The following LRRC4C variants were observed in gnomAD, a reference collection of about 807,000 sequenced individuals.
LRRC4C encodes the protein leucine rich repeat containing 4C.
Under a neutral mutation model 33.6 loss-of-function variants are expected in LRRC4C, and 5 were observed. The ratio of observed to expected loss-of-function variants is 0.15; its 90% CI spans 0.08 to 0.31. LRRC4C has a LOEUF of 0.31. Ranked by LOEUF, LRRC4C falls within the 10% of genes least tolerant of loss-of-function variation. The pLI, the probability that LRRC4C is intolerant of heterozygous loss-of-function variation, is 1.00. For missense variants in LRRC4C, 560 were observed against 796.7 expected, an observed-to-expected ratio of 0.70 and a Z score of 3.58; for synonymous variants, 329 against 302.0, an observed-to-expected ratio of 1.09 and a Z score of -0.93.
At chr11:40,792,882 C>G (rs1347383572) in intron 2 of LRRC4C, among the ~76,000 whole-genome samples, 1 of 151,862 alleles carries the variant, frequency 6.6e-6, no homozygotes, top group African/African-American at 2.4e-5. Flanking sequence ...CAAACTATCA[C>G]AAGGACAAAA....
intron 2 of LRRC4C, among the ~76,000 whole-genome samples, chr11:40,735,986 G>T (rs914654013): frequency 6.8e-6 from 1 of 147,756 alleles, no homozygotes; most frequent in African/African-American, 2.6e-5. Flanking sequence ...CATGTCCTTC[G>T]CCCACTTATT....
chr11:40,210,376 A>C (rs919082720), intron 5 of LRRC4C, among the ~76,000 whole-genome samples: 1 of 152,234 alleles, frequency 6.6e-6, no homozygotes, highest in Admixed American at 6.5e-5. Context: ...AGCACAGAGA[A>C]TATTTCTTAT....
intron 1 of LRRC4C, among the ~76,000 whole-genome samples, chr11:41,440,205 C>T (rs1352782040): frequency 6.6e-6 from 1 of 151,896 alleles, no homozygotes; most frequent in Non-Finnish European, 1.5e-5. Flanking sequence ...TGGTGAGAGA[C>T]ATGGGTCCAG....
At chr11:40,836,450 A>G (rs955868990) in intron 2 of LRRC4C, among the ~76,000 whole-genome samples, 1 of 152,208 alleles carries the variant, frequency 6.6e-6, no homozygotes, top group Admixed American at 6.5e-5. Context: ...ACATATAGAA[A>G]GAAAGTTATA....
chr11:41,225,843 G>A (rs1256221468), intron 1 of LRRC4C, among the ~76,000 whole-genome samples: 1 of 152,002 alleles, frequency 6.6e-6, no homozygotes, highest in African/African-American at 2.4e-5. Context: ...TGAGAGCCTG[G>A]GTACTGCAGA....
intron 1 of LRRC4C, among the ~76,000 whole-genome samples, chr11:41,269,136 T>C (rs1306268656): frequency 2.6e-5 from 4 of 152,234 alleles, no homozygotes; most frequent in Non-Finnish European, 4.4e-5. Context: ...ATCTAAGTGA[T>C]TCATCCAGAA....
At position 40,745,658 on chromosome 11, in the gene LRRC4C, A is replaced by G. The variant is rs532460651; in HGVS notation, c.-406-97380T>C. 2.0e-5 allele frequency among the ~76,000 whole-genome samples: 3 copies of G among 152,254 alleles called. No individual in the cohort carries two copies. In the East Asian group the frequency reaches 5.8e-4, roughly 29 times the overall value. On this transcript the variant is annotated intron_variant, in intron 2 of 6. Transcript: ENST00000528697. The stretch of plus-strand genomic sequence containing the variant: ...AAATTTTTTTCCACAATATTTTACT[A>G]GGAAGATAATGTATATTTACATGAG...
intron 1 of LRRC4C, among the ~76,000 whole-genome samples, chr11:41,458,091 T>C (rs1956226285): frequency 6.6e-6 from 1 of 152,158 alleles, no homozygotes; most frequent in East Asian, 1.9e-4. Context: ...CCAGGCAACG[T>C]AGCCTCTGAA....
intron 2 of LRRC4C, among the ~76,000 whole-genome samples, chr11:40,853,423 T>G (rs1953610897): frequency 6.7e-6 from 1 of 148,304 alleles, no homozygotes; most frequent in South Asian, 2.1e-4. Context: ...TATTTATATA[T>G]TTATATAGAT....
intron 1 of LRRC4C, among the ~76,000 whole-genome samples, chr11:41,446,838 G>C (rs1039824639): frequency 6.6e-6 from 1 of 152,104 alleles, no homozygotes; most frequent in Admixed American, 6.5e-5. Context: ...TCCTTACCAA[G>C]GAGACTGTGG....
intron 1 of LRRC4C, among the ~76,000 whole-genome samples, chr11:40,991,079 CA>C (rs199778124): frequency 0.41 from 50,739 of 124,754 alleles, 9,516 homozygotes; most frequent in East Asian, 0.54. Context: ...GAGTCTATTA[CA>C]AAAAAAAAAA....
chr11:41,236,899 G>A (rs922104727), intron 1 of LRRC4C, among the ~76,000 whole-genome samples: 1 of 152,174 alleles, frequency 6.6e-6, no homozygotes, highest in African/African-American at 2.4e-5. Context: ...AAAGCTAAAT[G>A]TCCACAAATG....
chr11:40,191,268 T>C (rs1000849747), intron 5 of LRRC4C, among the ~76,000 whole-genome samples: 5 of 152,188 alleles, frequency 3.3e-5, no homozygotes, highest in Non-Finnish European at 7.3e-5. Context: ...CAGGTTTGAA[T>C]GACTTCACCA....
intron 1 of LRRC4C, among the ~76,000 whole-genome samples, chr11:40,948,227 C>A (rs1296360060): frequency 1.3e-5 from 2 of 152,128 alleles, no homozygotes; most frequent in African/African-American, 4.8e-5. Flanking sequence ...TATTTTTGGA[C>A]AAACTAGCTG....
intron 4 of LRRC4C, among the ~76,000 whole-genome samples, chr11:40,260,504 T>C (rs1217353993): frequency 6.6e-6 from 1 of 150,532 alleles, no homozygotes; most frequent in African/African-American, 2.5e-5. Flanking sequence ...TGTATACATA[T>C]GTAACTAACC....
chr11:41,377,368 T>C (rs924917012), intron 1 of LRRC4C, among the ~76,000 whole-genome samples: 1 of 152,204 alleles, frequency 6.6e-6, no homozygotes, highest in Non-Finnish European at 1.5e-5. Flanking sequence ...CCAAGACCAG[T>C]ACAAAATGTA....
intron 1 of LRRC4C, among the ~76,000 whole-genome samples, chr11:41,309,192 G>C (rs1481021121): frequency 6.6e-6 from 1 of 152,192 alleles, no homozygotes; most frequent in African/African-American, 2.4e-5. Flanking sequence ...AGCAGTGGAA[G>C]ATAAACGCAG....
At chr11:40,644,050 C>A (rs1352297031) in intron 3 of LRRC4C, among the ~76,000 whole-genome samples, 1 of 151,886 alleles carries the variant, frequency 6.6e-6, no homozygotes, top group African/African-American at 2.4e-5. Flanking sequence ...CCAGCAAATG[C>A]CATAGACAAT....
At chr11:40,324,815 A>G (rs1189627695) in intron 3 of LRRC4C, among the ~76,000 whole-genome samples, 1 of 152,192 alleles carries the variant, frequency 6.6e-6, no homozygotes, top group Non-Finnish European at 1.5e-5. Context: ...TTCTTAACTG[A>G]AGAGCGTAAG....
Sources: allele counts gnomAD v4.1 joint callset (sites outside exome capture counted in the v4.1 genomes callset), GRCh38; gene constraint gnomAD v4.1.1; transcripts MANE v1.5; gene names NCBI Gene and HGNC (gene_info 2026-07-23, HGNC 2026-07-21).